Variants in ZC3HAV1 observed in about 807,000 individuals in gnomAD.
ZC3HAV1 encodes zinc finger CCCH-type containing, antiviral 1, also known as zinc finger CCCH-type antiviral protein 1.
Under a neutral mutation model 86.6 loss-of-function variants are expected in ZC3HAV1, and 41 were observed. The observed-to-expected ratio is 0.47, with a 90% CI of 0.37 to 0.61. ZC3HAV1 has a LOEUF of 0.61. Ranked by LOEUF, ZC3HAV1 falls within the 20% of genes least tolerant of loss-of-function variation. The pLI is 0.00. For synonymous variants in ZC3HAV1, 421 were observed against 432.1 expected (o/e 0.97, Z 0.32); for missense variants, 964 against 1,141.1 (o/e 0.84, Z 2.24).
At chr7:139,070,163 C>G (rs1816726773) in intron 7 of ZC3HAV1, among the ~76,000 whole-genome samples, 1 of 151,814 alleles carries the variant, frequency 6.6e-6, no homozygotes, top group African/African-American at 2.4e-5. Flanking sequence ...TAGTATGAGA[C>G]AGTAAGAGTT....
rs1387488690 is a variant in ZC3HAV1, at chr7:139,102,726, TATACACACACAC to T, written c.308+6286_308+6297del. Among the ~76,000 whole-genome samples the T allele has an allele frequency of 2.0e-3, 249 of 125,112 alleles. 1 individual carries two copies. Among genetic ancestry groups the T allele is most frequent in the African/African-American group, 8.5e-3 (245 of 28,788 alleles). 82.1% of individuals were successfully genotyped at this position (125,112 alleles called of 152,430 possible). On this transcript the variant is annotated intron_variant, in intron 1 of 12. Transcript: ENST00000242351. ...GGGCAAAATAGTGAGACACTGTCTCTATACACACACACACACACACACACACACACACACACA... is the reference window on the plus strand; with the variant it reads ...GGGCAAAATAGTGAGACACTGTCTCTACACACACACACACACACACACACA...
chr7:139,108,594 G>C lies in ZC3HAV1; in HGVS notation c.308+430C>G, dbSNP rs1818006179. Among the ~76,000 whole-genome samples, 1 of 152,244 alleles carries C rather than the reference G, an allele frequency of 6.6e-6. No individual in the cohort carries two copies. Among genetic ancestry groups the C allele is most frequent in the African/African-American group, 2.4e-5 (1 of 41,470 alleles). ...CCAGGGCGGCTGGGTTACTGGCTCC[G>C]CCACGTCTAGGGAAGGAGGTAGTAG... On this transcript the variant is annotated intron_variant, in intron 1 of 12. Coordinates refer to ENST00000242351, the MANE Select transcript of ZC3HAV1 (RefSeq NM_020119.4). This position sits in a 1 kb window ranked among gnomAD's most constrained non-coding sequence, Gnocchi z 4.2.
rs760901913 is a variant in ZC3HAV1 at position 139,064,937 on chromosome 7, A to G, written c.1935T>C (p.Cys645=). 2.5e-6 allele frequency: 4 copies of G among 1,614,214 alleles called. No homozygotes were observed. Among genetic ancestry groups the G allele is most frequent in the Admixed American group, 1.7e-5 (1 of 60,028 alleles). The stretch of plus-strand genomic sequence containing the variant: ...CCTGAAATGGCACAACTCCCCTCGG[A>G]CAGGATTGATAGAGAGACTCCAGGT... ...SSYLESLYQS[C]PRGVVPFQAG... The change falls in exon 8 of 13, where the codon TGT becomes TGC. Residue 645 remains cysteine (C), a synonymous_variant. Transcript: ENST00000242351.
At chr7:139,094,510 A>C (rs543662318) in intron 1 of ZC3HAV1, among the ~76,000 whole-genome samples, 124 of 152,082 alleles carry the variant, frequency 8.2e-4, no homozygotes, top group Non-Finnish European at 1.5e-3. Flanking sequence ...AAAAAAAAAA[A>C]AAAACAGCAA....
chr7:139,073,419 A>G (rs1042921372), intron 7 of ZC3HAV1, among the ~76,000 whole-genome samples: 7 of 152,086 alleles, frequency 4.6e-5, no homozygotes, highest in African/African-American at 1.7e-4. Context: ...AAAAAATACC[A>G]CTTCCTCTAC....
At chr7:139,078,475 C>T in intron 5 of ZC3HAV1, 77 bp downstream of exon 5, 2 of 1,084,088 alleles carry the variant, frequency 1.8e-6, no homozygotes, top group Non-Finnish European at 2.7e-6. Flanking sequence ...AAGGCATTTG[C>T]ACACCCATGT....
intron 7 of ZC3HAV1, among the ~76,000 whole-genome samples, chr7:139,066,309 C>T (rs892503371): frequency 1.3e-5 from 2 of 152,136 alleles, no homozygotes; most frequent in African/African-American, 4.8e-5. Flanking sequence ...GTGGAAATGC[C>T]TGCTGGTTGT....
intron 1 of ZC3HAV1, among the ~76,000 whole-genome samples, chr7:139,096,074 G>A (rs1817579486): frequency 6.6e-6 from 1 of 152,130 alleles, no homozygotes; most frequent in Admixed American, 6.6e-5. Context: ...GAGTGCAATG[G>A]CGCAATCTCA....
chr7:139,080,417 A>ACGGT (rs958110482), intron 3 of ZC3HAV1, among the ~76,000 whole-genome samples, 174 bp from the exon 4 acceptor site: 2 of 152,024 alleles, frequency 1.3e-5, no homozygotes, highest in Admixed American at 1.3e-4. Context: ...TTTGACACTG[A>ACGGT]CGGTTTTTTT....
At chr7:139,076,523 G>C in intron 5 of ZC3HAV1, 114 bp from the exon 6 acceptor site, 1 of 1,391,176 alleles carries the variant, frequency 7.2e-7, no homozygotes, top group Non-Finnish European at 9.8e-7. Flanking sequence ...TGCCAGACAG[G>C]TTCCATCTAT....
chr7:139,074,705 C>A (rs1364698897), intron 6 of ZC3HAV1, among the ~76,000 whole-genome samples: 1 of 150,858 alleles, frequency 6.6e-6, no homozygotes, highest in Non-Finnish European at 1.5e-5. Flanking sequence ...AGTTATATAC[C>A]TGGGTATGTA....
At chr7:139,088,791 T>C (rs543838004) in intron 2 of ZC3HAV1, among the ~76,000 whole-genome samples, 15 of 152,328 alleles carry the variant, frequency 9.8e-5, no homozygotes, top group Admixed American at 4.6e-4. Context: ...GGTGTGGTTG[T>C]GTTCCAACAA....
chr7:139,109,004 C>T lies in ZC3HAV1; in HGVS notation c.308+20G>A. ...CCGACCACGGCTGCGGACAGCGCCC[C>T]TCCCTCCGGGTGCACTCACCGCTCG... On this transcript the variant is annotated intron_variant, in intron 1 of 12. Transcript: ENST00000242351. 2 of 1,528,502 alleles carry T rather than the reference C, an allele frequency of 1.3e-6. No homozygotes were observed. The highest frequency in any genetic ancestry group is 1.8e-6 in the Non-Finnish European group (2 of 1,130,028). The allele number at this position is 1,528,502 out of a possible 1,614,324, so 94.7% of individuals were successfully genotyped here. A position where few individuals can be genotyped will look rare whatever the true frequency, so the allele number is the denominator to read the frequency against.
intron 10 of ZC3HAV1, among the ~76,000 whole-genome samples, chr7:139,054,954 A>AT (rs961724486): frequency 2.6e-5 from 4 of 151,842 alleles, no homozygotes; most frequent in African/African-American, 9.7e-5. Flanking sequence ...TGCCCGGCTA[A>AT]TTTTTTTGTA....
intron 2 of ZC3HAV1, among the ~76,000 whole-genome samples, chr7:139,084,622 T>C (rs1817225386): frequency 6.6e-6 from 1 of 152,212 alleles, no homozygotes; most frequent in Non-Finnish European, 1.5e-5. Context: ...TTTTAAAATC[T>C]GAGGCCCTGG....
At chr7:139,105,032 C>CAAAAAAAAAAAA (rs34053904) in intron 1 of ZC3HAV1, among the ~76,000 whole-genome samples, 1 of 72,812 alleles carries the variant, frequency 1.4e-5, no homozygotes, top group African/African-American at 5.3e-5. Flanking sequence ...GACTCTGTCT[C>CAAAAAAAAAAAA]AAAAAAAAAA....
intron 2 of ZC3HAV1, among the ~76,000 whole-genome samples, chr7:139,088,680 A>G (rs1364757290): frequency 6.6e-6 from 1 of 152,198 alleles, no homozygotes; most frequent in Non-Finnish European, 1.5e-5. Flanking sequence ...TCTTTTCCAT[A>G]AAGGATCAGA....
At chr7:139,090,239 T>A (rs1817391494) in intron 1 of ZC3HAV1, among the ~76,000 whole-genome samples, 1 of 152,148 alleles carries the variant, frequency 6.6e-6, no homozygotes, top group African/African-American at 2.4e-5. Flanking sequence ...ACATTTTAAA[T>A]ATACTTTAAA....
chr7:139,075,850 T>A (rs916525591), intron 6 of ZC3HAV1, among the ~76,000 whole-genome samples: 3 of 152,242 alleles, frequency 2.0e-5, no homozygotes, highest in Non-Finnish European at 4.4e-5. Flanking sequence ...TAAAACTATA[T>A]GAAATTATTC....
Sources: allele counts gnomAD v4.1 joint callset (sites outside exome capture counted in the v4.1 genomes callset), GRCh38; gene constraint gnomAD v4.1.1; non-coding constraint Gnocchi (gnomAD v3.1); transcripts MANE v1.5; gene names NCBI Gene and HGNC (gene_info 2026-07-23, HGNC 2026-07-21).